HKDC1: variants seen among roughly 807,000 people sequenced by gnomAD.
The protein encoded by HKDC1 is hexokinase HKDC1.
Under a neutral mutation model 96.6 loss-of-function variants are expected in HKDC1, and 66 were observed. That is an observed-to-expected ratio of 0.68 (90% confidence interval 0.56 to 0.84). The LOEUF (loss-of-function observed/expected upper bound fraction) is 0.84, where lower values mean the gene tolerates loss of function less well. Among genes scored for constraint, HKDC1 ranks in the 40% least tolerant of loss-of-function variants. The pLI, the probability that HKDC1 is intolerant of heterozygous loss-of-function variation, is 0.00. For synonymous variants in HKDC1, 466 were observed against 473.1 expected, an observed-to-expected ratio of 0.98 and a Z score of 0.20; for missense variants, 1,211 against 1,208.1, an observed-to-expected ratio of 1.00 and a Z score of -0.04.
At chr10:69,257,690 G>T (rs113388351) in intron 14 of HKDC1, among the ~76,000 whole-genome samples, 10 of 152,054 alleles carry the variant, frequency 6.6e-5, no homozygotes, top group East Asian at 3.8e-4. Context: ...TGTCATGGGG[G>T]GGGGAAGGAG....
intron 10 of HKDC1, among the ~76,000 whole-genome samples, chr10:69,249,910 G>T (rs1004483273): frequency 6.6e-6 from 1 of 152,182 alleles, no homozygotes; most frequent in East Asian, 1.9e-4. Context: ...GCCTTCAGAG[G>T]TTCAGTCTCC....
intron 5 of HKDC1, among the ~76,000 whole-genome samples, chr10:69,240,385 G>A (rs1203329862): frequency 1.3e-5 from 2 of 152,094 alleles, no homozygotes; most frequent in African/African-American, 4.8e-5. Flanking sequence ...AAGGGCTGGA[G>A]TCCCGGTGGC....
intron 2 of HKDC1, among the ~76,000 whole-genome samples, chr10:69,228,189 C>T (rs1843193089): frequency 1.3e-5 from 2 of 152,184 alleles, no homozygotes; most frequent in South Asian, 4.1e-4. Context: ...TTTCGAGAGG[C>T]CACCTGCATC....
chr10:69,240,008 G>A (rs1222334918), intron 5 of HKDC1, among the ~76,000 whole-genome samples: 1 of 152,182 alleles, frequency 6.6e-6, no homozygotes, highest in African/African-American at 2.4e-5. Flanking sequence ...ATCCAGACAG[G>A]AAGTCACCAT....
At chr10:69,234,576 A>G (rs1238657920) in intron 4 of HKDC1, among the ~76,000 whole-genome samples, 1 of 152,244 alleles carries the variant, frequency 6.6e-6, no homozygotes, top group Non-Finnish European at 1.5e-5. Flanking sequence ...TTTGTAAAGC[A>G]GGGATAATAA....
At position 69,246,111 on chromosome 10, in the gene HKDC1, G is replaced by A; in HGVS notation, c.908G>A (p.Gly303Glu). 6.2e-7 allele frequency: 1 copy of A among 1,614,250 alleles called. No individual in the cohort carries two copies. Among genetic ancestry groups the A allele is most frequent in the Non-Finnish European group, 8.5e-7 (1 of 1,180,046 alleles). ...AAGATGATCAGTGGCCTGTACCTGG[G>A]GGAGCTTGTCAGGCTTATCTTGCTG... ...FEKMISGLYLGELVRLILLKM... is the reference protein window; with the variant it reads ...FEKMISGLYLEELVRLILLKM... Residue 303 changes from glycine (G) to glutamate (E), a missense_variant, in exon 8 of 18, where the codon GGG (glycine) becomes GAG (glutamate). Gly to Glu is a moderately conservative substitution (Grantham distance 98). Coordinates refer to ENST00000354624, the MANE Select transcript of HKDC1 (RefSeq NM_025130.4).
chr10:69,239,257 A>G, intron 5 of HKDC1, 120 bp downstream of exon 5: 1 of 651,394 alleles, frequency 1.5e-6, no homozygotes, highest in South Asian at 1.9e-5. Flanking sequence ...GGAGAATCAG[A>G]GAAGGAATTG....
intron 5 of HKDC1, 57 bp from the exon 6 acceptor site, chr10:69,240,595 A>T: frequency 1.4e-6 from 2 of 1,397,936 alleles, no homozygotes; most frequent in Non-Finnish European, 2.0e-6. Flanking sequence ...GTGGGGAAGG[A>T]GGGAGGGAAA....
At chr10:69,263,844 T>C (rs542943080) in intron 16 of HKDC1, among the ~76,000 whole-genome samples, 1 of 152,322 alleles carries the variant, frequency 6.6e-6, no homozygotes, top group South Asian at 2.1e-4. Flanking sequence ...TCATTCATTT[T>C]AGAGAATCTA....
chr10:69,256,064 T>C (rs1427612823), intron 12 of HKDC1, among the ~76,000 whole-genome samples: 3 of 152,196 alleles, frequency 2.0e-5, no homozygotes, highest in Admixed American at 6.5e-5. Context: ...AGAGAGCCAC[T>C]GTTAACCCTT....
Position 69,256,072 on chromosome 10 carries a change from C to T in HKDC1, c.1837-964C>T, listed in dbSNP as rs78100834. Reference sequence around the variant, plus strand: ...CACCCAGAGAGAGCCACTGTTAACCCTTTTGGTGTATATATTATTCCAGTC... The same window carrying T: ...CACCCAGAGAGAGCCACTGTTAACCTTTTTGGTGTATATATTATTCCAGTC... On this transcript the variant is annotated intron_variant, in intron 12 of 17. Transcript: ENST00000354624. 7.9e-3 allele frequency among the ~76,000 whole-genome samples: 1,203 copies of T among 152,134 alleles called. 15 individuals are homozygous for T. The highest frequency in any genetic ancestry group is 0.028 in the African/African-American group (1,142 of 41,484).
chr10:69,266,672 T>G lies in HKDC1; in HGVS notation c.2669T>G (p.Met890Arg). 1 of 1,614,022 alleles carries G rather than the reference T, an allele frequency of 6.2e-7. No homozygotes were observed. The highest frequency in any genetic ancestry group is 8.5e-7 in the Non-Finnish European group (1 of 1,179,978). Residue 890 changes from methionine to arginine, a missense_variant, in exon 18 of 18, where the codon ATG becomes AGG. Met to Arg is a moderately conservative substitution (Grantham distance 91). Coordinates refer to ENST00000354624, the MANE Select transcript of HKDC1 (RefSeq NM_025130.4). The part of the protein sequence containing the change: ...ELAPRCDVTF[M>R]LSEDGSGKGA... ...GCCCCTCGATGTGATGTGACATTCA[T>G]GCTGTCAGAAGATGGCAGTGGAAAA...
intron 1 of HKDC1, among the ~76,000 whole-genome samples, chr10:69,223,659 C>T (rs533973356): frequency 3.2e-4 from 44 of 137,112 alleles, no homozygotes; most frequent in African/African-American, 1.0e-3. Flanking sequence ...GATCTTGGCT[C>T]ACTGCAACCT....
chr10:69,235,784 T>C (rs547768817), intron 4 of HKDC1, among the ~76,000 whole-genome samples: 2 of 152,316 alleles, frequency 1.3e-5, no homozygotes, highest in South Asian at 4.1e-4. Context: ...CAGGATTTTG[T>C]CATTTATCTA....
chr10:69,237,458 GT>G (rs1261559352), intron 4 of HKDC1, among the ~76,000 whole-genome samples: 1 of 152,014 alleles, frequency 6.6e-6, no homozygotes, highest in Non-Finnish European at 1.5e-5. Context: ...AGAATTGTGG[GT>G]TTTTCTTTTA....
intron 4 of HKDC1, among the ~76,000 whole-genome samples, chr10:69,234,146 C>T (rs1225665986): frequency 1.3e-5 from 2 of 152,132 alleles, no homozygotes; most frequent in African/African-American, 2.4e-5. Context: ...CTAGTCTCCC[C>T]GGGCCACTCC....
chr10:69,228,238 G>A (rs1281040850), intron 2 of HKDC1, among the ~76,000 whole-genome samples: 1 of 152,168 alleles, frequency 6.6e-6, no homozygotes, highest in Non-Finnish European at 1.5e-5. Context: ...AGCCAGCAGT[G>A]TAGCCTCTTC....
intron 1 of HKDC1, 127 bp downstream of exon 1, chr10:69,220,625 C>G: frequency 1.7e-6 from 1 of 583,548 alleles, no homozygotes; most frequent in Non-Finnish European, 2.9e-6. Context: ...AGCATATGAC[C>G]AGTAAAAGAC....
intron 2 of HKDC1, among the ~76,000 whole-genome samples, chr10:69,230,134 G>T (rs762418363): frequency 1.3e-5 from 2 of 152,180 alleles, no homozygotes; most frequent in Non-Finnish European, 2.9e-5. Context: ...CAGCCTTTTG[G>T]TCAGGGGGCT....
Sources: gnomAD v4.1 joint callset for allele counts (sites outside exome capture counted in the v4.1 genomes callset) on GRCh38, gnomAD v4.1.1 for gene constraint, MANE v1.5 for transcripts, NCBI Gene and HGNC (gene_info 2026-07-23, HGNC 2026-07-21) for gene names.